Variants in RGS9 observed in about 807,000 individuals in gnomAD.
RGS9 encodes regulator of G-protein signalling 9.
In RGS9, 78 loss-of-function variants were observed where a neutral mutation model predicts 102.0. The ratio of observed to expected loss-of-function variants is 0.76; its 90% CI spans 0.64 to 0.92. The LOEUF (loss-of-function observed/expected upper bound fraction) is 0.92, where lower values mean the gene tolerates loss of function less well. RGS9 is among the 40% of genes least tolerant of loss of function. The pLI is 0.00. For missense variants in RGS9, 833 were observed against 866.1 expected, an observed-to-expected ratio of 0.96 and a Z score of 0.48; for synonymous variants, 353 against 318.6, an observed-to-expected ratio of 1.11 and a Z score of -1.15.
At chr17:65,201,883 A>C in intron 13 of RGS9, 110 bp from the exon 14 acceptor site, 2 of 761,282 alleles carry the variant, frequency 2.6e-6, no homozygotes, top group South Asian at 2.8e-5. Context: ...GTGTTCACTG[A>C]GCTGGGAAAT....
chr17:65,202,515 G>A (rs1356636054), intron 14 of RGS9, among the ~76,000 whole-genome samples: 3 of 150,242 alleles, frequency 2.0e-5, no homozygotes, highest in Non-Finnish European at 3.0e-5. Flanking sequence ...TATTCCTCAC[G>A]CTTCCTTAGA....
At chr17:65,153,847 G>A (rs993255456) in intron 2 of RGS9, among the ~76,000 whole-genome samples, 3 of 152,156 alleles carry the variant, frequency 2.0e-5, no homozygotes, top group African/African-American at 4.8e-5. Context: ...CAGAGATTGC[G>A]CCATTGCACT....
At chr17:65,186,823 T>C (rs1368248217) in intron 9 of RGS9, among the ~76,000 whole-genome samples, 1 of 152,206 alleles carries the variant, frequency 6.6e-6, no homozygotes, top group Non-Finnish European at 1.5e-5. Flanking sequence ...AAGTATAAAT[T>C]GCTTTGCAGT....
intron 11 of RGS9, among the ~76,000 whole-genome samples, chr17:65,193,254 C>CAA (rs377349682): frequency 0.051 from 4,254 of 83,034 alleles, 290 homozygotes; most frequent in African/African-American, 0.15. Flanking sequence ...TTGGCTGTCT[C>CAA]AAAAAAAAAA....
At chr17:65,185,342 TAG>T (rs1054988683) in intron 9 of RGS9, 2 of 152,348 alleles carry the variant, frequency 1.3e-5, no homozygotes, top group Admixed American at 1.3e-4. Context: ...GGAGTTTTTT[TAG>T]ATCTTGACTT....
chr17:65,207,858 G>C, intron 15 of RGS9, 64 bp from the exon 16 acceptor site: 1 of 1,163,976 alleles, frequency 8.6e-7, no homozygotes, highest in African/African-American at 1.5e-5. Flanking sequence ...AAATGGCAAG[G>C]GTATTGGTTT....
At chr17:65,176,807 A>G (rs1261283239) in intron 8 of RGS9, among the ~76,000 whole-genome samples, 2 of 148,552 alleles carry the variant, frequency 1.3e-5, no homozygotes, top group Non-Finnish European at 3.0e-5. Flanking sequence ...TCCATCTACC[A>G]CAAATTTACC....
At chr17:65,197,265 A>T in intron 13 of RGS9, 24 bp downstream of exon 13, 1 of 1,458,744 alleles carries the variant, frequency 6.9e-7, no homozygotes, top group Non-Finnish European at 9.5e-7. Flanking sequence ...TACAAAAAAA[A>T]ATTAAAATAA....
intron 18 of RGS9, 190 bp downstream of exon 18, chr17:65,225,676 G>A: frequency 1.4e-6 from 1 of 714,364 alleles, no homozygotes. Context: ...GTCCTCCCGA[G>A]GGAGAAGGAA....
At chr17:65,185,886 T>C (rs998264683) in intron 9 of RGS9, among the ~76,000 whole-genome samples, 1 of 152,070 alleles carries the variant, frequency 6.6e-6, no homozygotes, top group African/African-American at 2.4e-5. Context: ...GTCCTGCAAA[T>C]ACAGCTCCCT....
chr17:65,227,550 A>C lies in RGS9; in HGVS notation c.*143A>C. ...AGATTGGGGAGACAAGATGGGGTAGATTGTGGCAAAGAATGCTCTGGCTGG... is the reference window on the plus strand; with the variant it reads ...AGATTGGGGAGACAAGATGGGGTAGCTTGTGGCAAAGAATGCTCTGGCTGG... On this transcript the variant is annotated 3_prime_UTR_variant, in exon 19 of 19. Transcript: ENST00000262406. The C allele has an allele frequency of 8.5e-7, 1 of 1,178,038 alleles. No homozygotes were observed. The highest frequency in any genetic ancestry group is 1.3e-5 in the South Asian group (1 of 74,374). 73.0% of individuals were successfully genotyped at this position (1,178,038 alleles called of 1,614,324 possible).
At chr17:65,224,932 A>T in intron 17 of RGS9, 70 bp from the exon 18 acceptor site, 2 of 1,598,942 alleles carry the variant, frequency 1.3e-6, no homozygotes, top group Non-Finnish European at 1.7e-6. Flanking sequence ...TTAGCAGAGG[A>T]CAGCCCAGGG....
At chr17:65,165,652 C>T (rs1160056015) in intron 7 of RGS9, among the ~76,000 whole-genome samples, 1 of 152,108 alleles carries the variant, frequency 6.6e-6, no homozygotes, top group Non-Finnish European at 1.5e-5. Context: ...ACCTCTACTG[C>T]CCCTACCCTG....
At chr17:65,198,923 C>T (rs1035731113) in intron 13 of RGS9, among the ~76,000 whole-genome samples, 1 of 152,116 alleles carries the variant, frequency 6.6e-6, no homozygotes, top group Non-Finnish European at 1.5e-5. Flanking sequence ...GATGGACTGG[C>T]GAATAAGTGG....
chr17:65,183,732 G>T (rs1479422269), intron 9 of RGS9, among the ~76,000 whole-genome samples: 1 of 152,148 alleles, frequency 6.6e-6, no homozygotes, highest in African/African-American at 2.4e-5. Context: ...TGGCTCCGTG[G>T]CTTGCTTGGC....
At chr17:65,215,583 C>A (rs1913495116) in intron 17 of RGS9, among the ~76,000 whole-genome samples, 1 of 121,184 alleles carries the variant, frequency 8.3e-6, no homozygotes, top group Non-Finnish European at 1.6e-5. Flanking sequence ...GGCTGGAGTG[C>A]AGTGGCACCA....
intron 8 of RGS9, among the ~76,000 whole-genome samples, chr17:65,170,319 C>G (rs570609657): frequency 3.6e-4 from 55 of 152,290 alleles, no homozygotes; most frequent in African/African-American, 1.2e-3. Flanking sequence ...TCCCAAAGTG[C>G]TGGGATTACA....
chr17:65,138,946 TC>T (rs1163675120), intron 1 of RGS9, among the ~76,000 whole-genome samples: 2 of 144,184 alleles, frequency 1.4e-5, no homozygotes, highest in African/African-American at 5.2e-5. Flanking sequence ...CAGGCTTCCC[TC>T]CTCCTCCCCA....
intron 9 of RGS9, among the ~76,000 whole-genome samples, chr17:65,184,278 G>T (rs1912017882): frequency 6.6e-6 from 1 of 152,146 alleles, no homozygotes; most frequent in Non-Finnish European, 1.5e-5. Flanking sequence ...AGGTTTGAAA[G>T]ACTTAGCAAA....
Sources: allele counts gnomAD v4.1 joint callset (sites outside exome capture counted in the v4.1 genomes callset), GRCh38; gene constraint gnomAD v4.1.1; transcripts MANE v1.5; gene names NCBI Gene and HGNC (gene_info 2026-07-23, HGNC 2026-07-21).